CELF2: variants seen among roughly 807,000 people sequenced by gnomAD.
CELF2 encodes CUGBP Elav-like family member 2.
Under a neutral mutation model 62.6 loss-of-function variants are expected in CELF2, and 8 were observed. The ratio of observed to expected loss-of-function variants is 0.13; its 90% CI spans 0.07 to 0.23. The LOEUF (loss-of-function observed/expected upper bound fraction) is 0.23. CELF2 is among the 10% of genes least tolerant of loss of function. The pLI, the probability that CELF2 is intolerant of heterozygous loss-of-function variation, is 1.00. For missense variants in CELF2, 333 were observed against 671.0 expected, an observed-to-expected ratio of 0.50 and a Z score of 5.56; for synonymous variants, 258 against 250.0, an observed-to-expected ratio of 1.03 and a Z score of -0.30.
At chr10:10,565,606 G>A in the CELF2 span, among the ~76,000 whole-genome samples, 3 of 152,132 alleles carry the variant, frequency 2.0e-5, no homozygotes, top group African/African-American at 7.2e-5. Context: ...AAGACTCTCT[G>A]GGTCATTCCT....
At chr10:10,560,456 G>T in the CELF2 span, among the ~76,000 whole-genome samples, 17 of 152,212 alleles carry the variant, frequency 1.1e-4, no homozygotes, top group Admixed American at 4.6e-4. Context: ...CTTTCTACCT[G>T]GCAGGATGAG....
chr10:11,279,376 G>A (rs2087405084), intron 8 of CELF2, among the ~76,000 whole-genome samples: 1 of 152,102 alleles, frequency 6.6e-6, no homozygotes, highest in Non-Finnish European at 1.5e-5. Context: ...AGACTGTCTT[G>A]GTGTCTAGCA....
At position 11,008,767 on chromosome 10, in the gene CELF2, C is replaced by T. The variant is rs201121; in HGVS notation, c.53+3327C>T. Among the ~76,000 whole-genome samples, 39,368 of 152,108 alleles carry T rather than the reference C, an allele frequency of 0.26. 9,931 individuals are homozygous for T. Among genetic ancestry groups the T allele is most frequent in the African/African-American group, 0.66 (27,395 of 41,444 alleles). ...GAAAAGCATACCTTGGTTTTGTCATCATGGTAGTGAGCATATTAGAAATAT... is the reference window on the plus strand; with the variant it reads ...GAAAAGCATACCTTGGTTTTGTCATTATGGTAGTGAGCATATTAGAAATAT... On this transcript the variant is annotated intron_variant, in intron 1 of 12. Coordinates refer to the CELF2 transcript ENST00000416382. This position sits in a 1 kb window ranked among gnomAD's most constrained non-coding sequence, Gnocchi z 4.5.
the CELF2 span, among the ~76,000 whole-genome samples, chr10:10,603,848 A>G: frequency 6.6e-6 from 1 of 152,094 alleles, no homozygotes; most frequent in Non-Finnish European, 1.5e-5. Flanking sequence ...TAAAATTAAT[A>G]CTATTCATAA....
chr10:10,700,505 T>A, the CELF2 span, among the ~76,000 whole-genome samples: 5 of 152,206 alleles, frequency 3.3e-5, no homozygotes, highest in South Asian at 2.1e-4. Context: ...GCATAAAGAT[T>A]CCTCTGGGAG....
At chr10:10,596,383 A>T in the CELF2 span, among the ~76,000 whole-genome samples, 1 of 152,138 alleles carries the variant, frequency 6.6e-6, no homozygotes, top group Non-Finnish European at 1.5e-5. Flanking sequence ...AGAGCCATCC[A>T]CCCACTCTCC....
intron 1 of CELF2, among the ~76,000 whole-genome samples, chr10:10,915,744 G>T (rs1344006501): frequency 6.6e-6 from 1 of 152,160 alleles, no homozygotes; most frequent in Non-Finnish European, 1.5e-5. Flanking sequence ...CCTTAGGGGA[G>T]TTTTCAGTAG....
intron 2 of CELF2, among the ~76,000 whole-genome samples, chr10:11,202,208 G>A (rs1427064195): frequency 2.0e-5 from 3 of 152,138 alleles, no homozygotes; most frequent in African/African-American, 7.2e-5. Flanking sequence ...ACATAGGTCA[G>A]CGTATAAGAT....
chr10:11,273,072 G>A (rs1383689453), intron 7 of CELF2, among the ~76,000 whole-genome samples: 3 of 152,108 alleles, frequency 2.0e-5, no homozygotes, highest in Non-Finnish European at 4.4e-5. Flanking sequence ...TTCTGTGTGC[G>A]TGAGAGTATG....
intron 1 of CELF2, chr10:10,846,227 G>A: frequency 2.4e-6 from 1 of 422,670 alleles, no homozygotes; most frequent in African/African-American, 2.2e-5. Context: ...ATACGATATG[G>A]CCTCCTCATA....
At chr10:11,104,228 T>C (rs1055115061) in intron 1 of CELF2, among the ~76,000 whole-genome samples, 1 of 152,246 alleles carries the variant, frequency 6.6e-6, no homozygotes, top group Non-Finnish European at 1.5e-5. Context: ...TTCTGATTTA[T>C]TTACTTGCAT....
At chr10:11,251,727 A>G (rs1295177521) in intron 4 of CELF2, among the ~76,000 whole-genome samples, 1 of 152,206 alleles carries the variant, frequency 6.6e-6, no homozygotes, top group East Asian at 1.9e-4. Flanking sequence ...CACTTGTTGT[A>G]ATGCCCGTCT....
At chr10:11,153,703 G>C (rs1275898864) in intron 1 of CELF2, among the ~76,000 whole-genome samples, 2 of 152,234 alleles carry the variant, frequency 1.3e-5, no homozygotes, top group East Asian at 1.9e-4. Context: ...AATTAACCGT[G>C]ATCTTATTTG....
chr10:10,799,810 A>G (rs1398804961), intron 1 of CELF2, among the ~76,000 whole-genome samples: 1 of 152,222 alleles, frequency 6.6e-6, no homozygotes, highest in East Asian at 1.9e-4. Flanking sequence ...CTTGGGCTTC[A>G]CTGACTGTAA....
intron 1 of CELF2, among the ~76,000 whole-genome samples, chr10:10,916,900 A>T (rs1334820100): frequency 1.3e-5 from 2 of 150,240 alleles, no homozygotes; most frequent in Non-Finnish European, 3.0e-5. Flanking sequence ...GTCATGAGTC[A>T]CTGCACCCAG....
chr10:10,502,455 G>A, the CELF2 span, among the ~76,000 whole-genome samples: 1 of 151,912 alleles, frequency 6.6e-6, no homozygotes, highest in Non-Finnish European at 1.5e-5. Flanking sequence ...TTGTTACAGA[G>A]CTATTCAAAC....
the CELF2 span, among the ~76,000 whole-genome samples, chr10:10,660,890 G>A: frequency 3.3e-5 from 5 of 152,228 alleles, no homozygotes; most frequent in East Asian, 5.8e-4. Context: ...TCTACAGAAC[G>A]AACACACAGG....
chr10:10,876,880 G>A (rs1351539231), intron 1 of CELF2, among the ~76,000 whole-genome samples: 2 of 152,232 alleles, frequency 1.3e-5, no homozygotes, highest in African/African-American at 4.8e-5. Context: ...GTCTATGTGT[G>A]TGCATGTGTG....
At position 11,311,319 on chromosome 10, in the gene CELF2, G is replaced by C. The variant is rs1030643194; in HGVS notation, c.977-2820G>C. Among the ~76,000 whole-genome samples the C allele has an allele frequency of 3.9e-5, 6 of 152,280 alleles. No individual in the cohort carries two copies. The East Asian group carries it at 1.2e-3, about 29-fold the overall frequency. On this transcript the variant is annotated intron_variant, in intron 9 of 12. Coordinates refer to ENST00000633077, the MANE Select transcript of CELF2 (RefSeq NM_001326342.2). This position sits in a 1 kb window ranked among gnomAD's most constrained non-coding sequence, Gnocchi z 4.7. ...AAGCCATGAAGTTAAAGTATCCCCA[G>C]CTTGTAGTTTCCTCCAGCACCTTGT...
Sources: gnomAD v4.1 joint callset for allele counts (sites outside exome capture counted in the v4.1 genomes callset) on GRCh38, gnomAD v4.1.1 for gene constraint, Gnocchi (gnomAD v3.1) non-coding constraint, MANE v1.5 for transcripts, NCBI Gene and HGNC (gene_info 2026-07-23, HGNC 2026-07-21) for gene names.